The following ENAH variants were observed in gnomAD, a reference collection of about 807,000 sequenced individuals.
ENAH encodes the protein ENAH actin regulator.
In ENAH, 23 loss-of-function variants were observed where a neutral mutation model predicts 78.7. The observed-to-expected ratio is 0.29, with a 90% CI of 0.21 to 0.41. The LOEUF is 0.41. ENAH is among the 10% of genes least tolerant of loss of function. The pLI, the probability that ENAH is intolerant of heterozygous loss-of-function variation, is 1.00. For missense variants in ENAH, 544 were observed against 691.0 expected, an observed-to-expected ratio of 0.79 and a Z score of 2.39; for synonymous variants, 226 against 241.0, an observed-to-expected ratio of 0.94 and a Z score of 0.58.
intron 3 of ENAH, among the ~76,000 whole-genome samples, chr1:225,547,141 G>T (rs900510062): frequency 2.6e-5 from 4 of 151,352 alleles, no homozygotes; most frequent in African/African-American, 9.7e-5. Context: ...GTGCAATCTC[G>T]GCTCATTGCA....
At chr1:225,549,978 T>C (rs1004707876) in intron 3 of ENAH, among the ~76,000 whole-genome samples, 3 of 152,190 alleles carry the variant, frequency 2.0e-5, no homozygotes, top group Admixed American at 6.5e-5. Context: ...CAATCCTTTA[T>C]TTAGCATCCT....
At chr1:225,518,669 T>C (rs528582885) in intron 5 of ENAH, among the ~76,000 whole-genome samples, 23 of 152,352 alleles carry the variant, frequency 1.5e-4, no homozygotes, top group African/African-American at 4.3e-4. Context: ...TTAACCCTTA[T>C]GTCTTTCAGT....
chr1:225,575,541 T>C (rs894604931), intron 1 of ENAH, among the ~76,000 whole-genome samples: 1 of 152,236 alleles, frequency 6.6e-6, no homozygotes, highest in African/African-American at 2.4e-5. Flanking sequence ...ACCATCCTAG[T>C]GCTGGGAGCA....
intron 4 of ENAH, among the ~76,000 whole-genome samples, chr1:225,524,063 C>A (rs951033601): frequency 6.6e-6 from 1 of 152,006 alleles, no homozygotes; most frequent in Non-Finnish European, 1.5e-5. Flanking sequence ...TTTTCAGAAA[C>A]AATTATAGTG....
chr1:225,487,366 T>TAA lies in ENAH; in HGVS notation c.*10407_*10408dup, dbSNP rs2096204856. 6.6e-6 allele frequency: 1 copy of TAA among 152,232 alleles called. No individual in the cohort carries two copies. The highest frequency in any genetic ancestry group is 2.4e-5 in the African/African-American group (1 of 41,460). The allele number at this position is 152,232 out of a possible 1,614,324, so 9.4% of individuals were successfully genotyped here. A position where few individuals can be genotyped will look rare whatever the true frequency, so the allele number is the denominator to read the frequency against. On this transcript the variant is annotated 3_prime_UTR_variant, in exon 14 of 14. Coordinates refer to ENST00000366843, the MANE Select transcript of ENAH (RefSeq NM_018212.6). The stretch of plus-strand genomic sequence containing the variant: ...CACCTTCTCTTCCACGTTCCCTTCT[T>TAA]AAACGTAGATGTCAAGCTTAGAAGA...
rs149587286 is a variant in ENAH at position 225,519,356 on chromosome 1, C to A, written c.644G>T (p.Arg215Leu). Residue 215 changes from arginine to leucine, a missense_variant, in exon 5 of 14, where the codon CGC becomes CTC. Transcript: ENST00000366843. ...ERQERLERQE[R>L]LERQERLDRE... Reference sequence around the variant, plus strand: ...ATCCAGGCGTTCCTGCCGCTCCAGGCGTTCCTGCCGCTCCAGGCGTTCCTG... The same window carrying A: ...ATCCAGGCGTTCCTGCCGCTCCAGGAGTTCCTGCCGCTCCAGGCGTTCCTG... 7 of 1,609,528 alleles carry A rather than the reference C, an allele frequency of 4.3e-6. No individual in the cohort carries two copies. The highest frequency in any genetic ancestry group is 5.1e-6 in the Non-Finnish European group (6 of 1,177,790).
At position 225,653,001 on chromosome 1, in the gene ENAH, C is replaced by T; in HGVS notation, c.-311G>A. On this transcript the variant is annotated 5_prime_UTR_variant, in exon 1 of 14. Transcript: ENST00000366843. The surrounding 1 kb of genome is among the most constrained non-coding windows in gnomAD (Gnocchi z 4.3). ...GCTCCTCCTCCCGGAGCTTCCTCGGCCGCCCTCTGAGGGGTGCCCGCCGGG... is the reference window on the plus strand; with the variant it reads ...GCTCCTCCTCCCGGAGCTTCCTCGGTCGCCCTCTGAGGGGTGCCCGCCGGG... 3.8e-6 allele frequency: 1 copy of T among 264,930 alleles called. No homozygotes were observed. The highest frequency in any genetic ancestry group is 7.1e-6 in the Non-Finnish European group (1 of 140,872). 16.4% of individuals were successfully genotyped at this position (264,930 alleles called of 1,614,324 possible).
chr1:225,619,024 C>T (rs542077454), intron 1 of ENAH, among the ~76,000 whole-genome samples: 30 of 152,236 alleles, frequency 2.0e-4, no homozygotes, highest in African/African-American at 6.7e-4. Context: ...ATCAATTCAT[C>T]TCCCAAATCA....
chr1:225,522,512 T>C (rs2096477282), intron 4 of ENAH, among the ~76,000 whole-genome samples: 1 of 152,220 alleles, frequency 6.6e-6, no homozygotes, highest in Non-Finnish European at 1.5e-5. Context: ...TTATGCTATT[T>C]GATAAATCAC....
intron 1 of ENAH, among the ~76,000 whole-genome samples, chr1:225,607,161 T>C (rs754181003): frequency 1.3e-5 from 2 of 152,154 alleles, no homozygotes; most frequent in Non-Finnish European, 2.9e-5. Context: ...TTGGCTTCCC[T>C]GGGCCACACT....
At chr1:225,519,650 T>C (rs1458154585) in intron 4 of ENAH, 85 bp from the exon 5 acceptor site, 7 of 1,522,866 alleles carry the variant, frequency 4.6e-6, no homozygotes, top group Non-Finnish European at 4.4e-6. Flanking sequence ...TGTAAACTAT[T>C]TCTGAGTCAA....
intron 3 of ENAH, among the ~76,000 whole-genome samples, chr1:225,536,928 T>C (rs2096564627): frequency 6.6e-6 from 1 of 152,068 alleles, no homozygotes; most frequent in Non-Finnish European, 1.5e-5. Flanking sequence ...GGCGTACACA[T>C]AAAATGTCTA....
At chr1:225,591,737 C>T (rs2096877442) in intron 1 of ENAH, among the ~76,000 whole-genome samples, 1 of 137,668 alleles carries the variant, frequency 7.3e-6, no homozygotes. Flanking sequence ...TGCACTCCAG[C>T]CTGGGCGACA....
At chr1:225,608,502 G>GA (rs2096969389) in intron 1 of ENAH, among the ~76,000 whole-genome samples, 2 of 150,700 alleles carry the variant, frequency 1.3e-5, no homozygotes, top group Admixed American at 6.6e-5. Context: ...TTTCCAGAAA[G>GA]AAAAAAACAG....
chr1:225,631,390 A>C (rs1227608695), intron 1 of ENAH, among the ~76,000 whole-genome samples: 1 of 151,396 alleles, frequency 6.6e-6, no homozygotes, highest in Non-Finnish European at 1.5e-5. Flanking sequence ...ACCAACATAT[A>C]GTGAAACTGT....
At chr1:225,533,948 GTTAAA>G (rs975619378) in intron 3 of ENAH, among the ~76,000 whole-genome samples, 8 of 152,190 alleles carry the variant, frequency 5.3e-5, no homozygotes, top group Middle Eastern at 3.4e-3. Context: ...TTTGCACACA[GTTAAA>G]TTAAAGGTAA....
chr1:225,498,223 G>A, intron 13 of ENAH, 124 bp downstream of exon 13: 1 of 739,060 alleles, frequency 1.4e-6, no homozygotes, highest in Non-Finnish European at 2.3e-6. Context: ...ATCCTAAAAG[G>A]GCAGGACTAT....
At chr1:225,604,325 G>C (rs752146735) in intron 1 of ENAH, among the ~76,000 whole-genome samples, 1 of 152,064 alleles carries the variant, frequency 6.6e-6, no homozygotes, top group Non-Finnish European at 1.5e-5. Context: ...AAATGTCAAT[G>C]ACTTGCTGAG....
At chr1:225,616,971 C>A (rs898396619) in intron 1 of ENAH, among the ~76,000 whole-genome samples, 6 of 152,136 alleles carry the variant, frequency 3.9e-5, no homozygotes, top group Non-Finnish European at 8.8e-5. Flanking sequence ...TGGTGGCAGG[C>A]ACCTGTAATC....
Sources: gnomAD v4.1 joint callset for allele counts (sites outside exome capture counted in the v4.1 genomes callset) on GRCh38, gnomAD v4.1.1 for gene constraint, Gnocchi (gnomAD v3.1) non-coding constraint, MANE v1.5 for transcripts, NCBI Gene and HGNC (gene_info 2026-07-23, HGNC 2026-07-21) for gene names.